DNAJA3: variants seen among roughly 807,000 people sequenced by gnomAD.
The protein encoded by DNAJA3 is dnaJ homolog subfamily A member 3, mitochondrial.
DNAJA3 carries 29 observed loss-of-function variants against 54.9 expected under a neutral mutation model. The observed-to-expected ratio is 0.53, with a 90% CI of 0.39 to 0.72. The LOEUF is 0.72. Among genes scored for constraint, DNAJA3 ranks in the 30% least tolerant of loss-of-function variants. DNAJA3 has a pLI of 0.00. For synonymous variants in DNAJA3, 302 were observed against 251.4 expected, an observed-to-expected ratio of 1.20 and a Z score of -1.90; for missense variants, 708 against 639.4, an observed-to-expected ratio of 1.11 and a Z score of -1.16.
Position 4,443,074 on chromosome 16 carries a change from C to A in DNAJA3, c.841C>A (p.Arg281Ser). Residue 281 changes from arginine to serine, a missense_variant, in exon 6 of 12, where the codon CGC (arginine) becomes AGC (serine). Arg to Ser is a moderately radical substitution (Grantham distance 110, BLOSUM62 -1). Coordinates refer to ENST00000262375, the MANE Select transcript of DNAJA3 (RefSeq NM_005147.6). ...MRSTCRRCGGRGSIIISPCVV... is the reference protein window; with the variant it reads ...MRSTCRRCGGSGSIIISPCVV... ...TTCCACGTGTAGGAGATGTGGTGGC[C>A]GCGGCTCCATCATCATATCGCCCTG... The A allele has an allele frequency of 6.2e-7, 1 of 1,613,982 alleles. No homozygotes were observed. Among genetic ancestry groups the A allele is most frequent in the South Asian group, 1.1e-5 (1 of 91,074 alleles).
chr16:4,437,981 C>T (rs979706901), intron 3 of DNAJA3, among the ~76,000 whole-genome samples: 2 of 150,900 alleles, frequency 1.3e-5, no homozygotes, highest in African/African-American at 2.4e-5. Context: ...AAAAAAAAAA[C>T]AAAACAACAA....
chr16:4,442,224 T>G, intron 4 of DNAJA3, 44 bp from the exon 5 acceptor site: 1 of 1,526,966 alleles, frequency 6.5e-7, no homozygotes, highest in Non-Finnish European at 8.8e-7. Flanking sequence ...TCAGTTTTGG[T>G]CGTTGCAAAC....
chr16:4,429,227 C>T (rs143721729), intron 1 of DNAJA3, among the ~76,000 whole-genome samples: 1 of 144,080 alleles, frequency 6.9e-6, no homozygotes, highest in African/African-American at 2.6e-5. Context: ...GAGTCTTGCT[C>T]TGTAGCCAGG....
Position 4,434,923 on chromosome 16 carries a change from G to A in DNAJA3, c.345+406G>A, listed in dbSNP as rs1359186000. On this transcript the variant is annotated intron_variant, in intron 2 of 11. Transcript: ENST00000262375. ...TTTTTTTTTTTTTTTTTGAGATGGA[G>A]TCTCACTCCATTGCTGAGGCTGGAG... 3.3e-4 allele frequency among the ~76,000 whole-genome samples: 38 copies of A among 113,616 alleles called. 1 individual carries two copies. The highest frequency in any genetic ancestry group is 1.3e-3 in the African/African-American group (37 of 27,808). The allele number at this position is 113,616 out of a possible 152,430, so 74.5% of individuals were successfully genotyped here. A position where few individuals can be genotyped will look rare whatever the true frequency, so the allele number is the denominator to read the frequency against.
Position 4,442,335 on chromosome 16 carries a change from T to C in DNAJA3, c.698T>C (p.Met233Thr), listed in dbSNP as rs766615096. The change falls in exon 5 of 12, where the codon ATG becomes ACG. Residue 233 changes from methionine (M) to threonine (T), a missense_variant. By Grantham distance (81) the Met-to-Thr change is moderately conservative. Coordinates refer to ENST00000262375, the MANE Select transcript of DNAJA3 (RefSeq NM_005147.6). ...GVNKEFTVNI[M>T]DTCERCNGKG... ...AACAAGGAGTTCACCGTGAACATCA[T>C]GGACACGTGTGAGCGCTGCAACGGC... 2.5e-6 allele frequency: 4 copies of C among 1,608,622 alleles called. No individual in the cohort carries two copies. Among genetic ancestry groups the C allele is most frequent in the Middle Eastern group, 1.6e-4 (1 of 6,066 alleles).
intron 4 of DNAJA3, among the ~76,000 whole-genome samples, 164 bp from the exon 5 acceptor site, chr16:4,442,104 C>T (rs1183020207): frequency 2.6e-5 from 4 of 152,270 alleles, no homozygotes; most frequent in Non-Finnish European, 4.4e-5. Flanking sequence ...GGGCAGAATT[C>T]GTTCAGTGAG....
chr16:4,452,829 T>C (rs758722881), intron 10 of DNAJA3, among the ~76,000 whole-genome samples: 1 of 152,160 alleles, frequency 6.6e-6, no homozygotes, highest in Non-Finnish European at 1.5e-5. Flanking sequence ...GAAGATCACT[T>C]GAGCCTTAGT....
In DNAJA3 at chr16:4,446,698, C is replaced by G. The variant is rs113850406; in HGVS notation, c.997-188C>G. Among the ~76,000 whole-genome samples the G allele has an allele frequency of 4.4e-3, 667 of 152,238 alleles. 2 individuals are homozygous for G. The highest frequency in any genetic ancestry group is 0.015 in the African/African-American group (627 of 41,534). On this transcript the variant is annotated intron_variant, in intron 7 of 11. Coordinates refer to ENST00000262375, the MANE Select transcript of DNAJA3 (RefSeq NM_005147.6). ...CATTGCAGTGTTGAAATATGTAGAA[C>G]ATGTCATTCCTGGGCCTGGGATGGT...
At chr16:4,442,793 C>T (rs2056852580) in intron 5 of DNAJA3, 3 of 588,870 alleles carry the variant, frequency 5.1e-6, no homozygotes, top group Admixed American at 3.2e-5. Flanking sequence ...TTTTCAGTGT[C>T]GTGTGGTCAA....
intron 7 of DNAJA3, among the ~76,000 whole-genome samples, chr16:4,446,069 G>GGCC: frequency 6.6e-6 from 1 of 150,550 alleles, no homozygotes; most frequent in South Asian, 2.1e-4. Flanking sequence ...CTACAGGCAT[G>GGCC]CGCCACTACA....
At chr16:4,432,584 C>T (rs185606356) in intron 1 of DNAJA3, among the ~76,000 whole-genome samples, 5 of 151,916 alleles carry the variant, frequency 3.3e-5, no homozygotes, top group Admixed American at 6.6e-5. Flanking sequence ...TCAGGTGATC[C>T]GCCCGCCTTG....
intron 10 of DNAJA3, among the ~76,000 whole-genome samples, chr16:4,451,677 A>T (rs1019549258): frequency 1.3e-5 from 2 of 149,106 alleles, no homozygotes; most frequent in African/African-American, 5.0e-5. Flanking sequence ...GAATCGCTTG[A>T]ACCCAGGAGG....
intron 2 of DNAJA3, 95 bp downstream of exon 2, chr16:4,434,612 A>G (rs4785964): frequency 0.75 from 1,060,245 of 1,422,942 alleles, 396,783 homozygotes; most frequent in Non-Finnish European, 0.76. Context: ...TGCCCATATG[A>G]ATAGGTCTCA....
intron 8 of DNAJA3, 27 bp from the exon 9 acceptor site, chr16:4,448,706 G>T (rs374949136): frequency 3.2e-6 from 5 of 1,568,618 alleles, no homozygotes; most frequent in Middle Eastern, 1.7e-4. Context: ...GGGACCAGGG[G>T]AAACCACAGA....
At chr16:4,432,335 C>CTT (rs538764932) in intron 1 of DNAJA3, among the ~76,000 whole-genome samples, 1 of 73,226 alleles carries the variant, frequency 1.4e-5, no homozygotes, top group African/African-American at 3.7e-5. Flanking sequence ...ATTTTTCTTT[C>CTT]TTTTTTTTTT....
chr16:4,449,329 T>C (rs2056948560), intron 9 of DNAJA3, among the ~76,000 whole-genome samples: 1 of 152,080 alleles, frequency 6.6e-6, no homozygotes, highest in Non-Finnish European at 1.5e-5. Flanking sequence ...GTTGGGAGAA[T>C]TAAATGAACA....
intron 8 of DNAJA3, chr16:4,448,068 C>T (rs1404880056): frequency 4.0e-5 from 5 of 123,638 alleles, no homozygotes; most frequent in South Asian, 2.6e-4. Flanking sequence ...CTTGCTCTGT[C>T]GCCAGGCTGG....
intron 7 of DNAJA3, among the ~76,000 whole-genome samples, chr16:4,446,658 T>C (rs1015443268): frequency 6.6e-6 from 1 of 152,240 alleles, no homozygotes; most frequent in African/African-American, 2.4e-5. Context: ...ATTTCGGCAT[T>C]TCAAGTGTGT....
At chr16:4,452,594 ACT>A (rs1355224684) in intron 10 of DNAJA3, among the ~76,000 whole-genome samples, 2 of 152,128 alleles carry the variant, frequency 1.3e-5, no homozygotes, top group African/African-American at 4.8e-5. Flanking sequence ...TGTGCAAGAC[ACT>A]GTCAGCTCTT....
Sources: gnomAD v4.1 joint callset for allele counts (sites outside exome capture counted in the v4.1 genomes callset) on GRCh38, gnomAD v4.1.1 for gene constraint, MANE v1.5 for transcripts, NCBI Gene and HGNC (gene_info 2026-07-23, HGNC 2026-07-21) for gene names.